The following CLIC5 variants were observed in gnomAD, a reference collection of about 807,000 sequenced individuals.
CLIC5 encodes the protein chloride intracellular channel protein 5.
CLIC5 carries 20 observed loss-of-function variants against 24.7 expected under a neutral mutation model. The observed-to-expected ratio is 0.81, with a 90% CI of 0.57 to 1.18. The LOEUF (loss-of-function observed/expected upper bound fraction) is 1.18, where lower values mean the gene tolerates loss of function less well. CLIC5 is among the 50% of genes most tolerant of loss of function. The probability of loss-of-function intolerance (pLI) is 0.00; values close to 1 mark genes in which losing one functional copy is unlikely to be tolerated. For missense variants in CLIC5, 341 were observed against 326.1 expected, an observed-to-expected ratio of 1.05 and a Z score of -0.35; for synonymous variants, 159 against 135.6, an observed-to-expected ratio of 1.17 and a Z score of -1.20.
At chr6:46,092,921 T>C in the CLIC5 span, among the ~76,000 whole-genome samples, 2 of 152,222 alleles carry the variant, frequency 1.3e-5, no homozygotes. Flanking sequence ...AGATTAGGGA[T>C]CTTGCAGTCA....
the CLIC5 span, among the ~76,000 whole-genome samples, chr6:46,110,634 A>C: frequency 6.6e-6 from 1 of 152,112 alleles, no homozygotes; most frequent in African/African-American, 2.4e-5. Flanking sequence ...ACCTTATAAG[A>C]GGTAGGTAGG....
At chr6:46,037,113 A>G (rs1375503980) in intron 1 of CLIC5, among the ~76,000 whole-genome samples, 1 of 152,132 alleles carries the variant, frequency 6.6e-6, no homozygotes, top group Non-Finnish European at 1.5e-5. Context: ...CTTCATGCAT[A>G]TCCAAGGACC....
chr6:46,022,797 T>C (rs752976700), intron 1 of CLIC5, among the ~76,000 whole-genome samples: 4 of 152,214 alleles, frequency 2.6e-5, no homozygotes, highest in Non-Finnish European at 5.9e-5. Context: ...GGGTGTCTAC[T>C]ATGTGCCAGA....
chr6:45,948,711 C>A (rs3798265), intron 3 of CLIC5, among the ~76,000 whole-genome samples: 3,200 of 152,168 alleles, frequency 0.021, 126 homozygotes, highest in African/African-American at 0.073. Flanking sequence ...TATAGCTCTA[C>A]GGTCTATACT....
chr6:45,894,031 G>T (rs1762373721), downstream of CLIC5, among the ~76,000 whole-genome samples: 1 of 152,092 alleles, frequency 6.6e-6, no homozygotes, highest in Non-Finnish European at 1.5e-5. Flanking sequence ...TAAGTTACAG[G>T]GGATGAAACT....
intron 1 of CLIC5, among the ~76,000 whole-genome samples, chr6:46,073,486 T>C (rs1048019341): frequency 4.6e-5 from 7 of 152,230 alleles, no homozygotes; most frequent in African/African-American, 1.4e-4. Context: ...TGATATATGA[T>C]ATATTTATAT....
chr6:45,888,327 T>C (rs1762322563), intron 6 of CLIC5, among the ~76,000 whole-genome samples: 1 of 152,256 alleles, frequency 6.6e-6, no homozygotes, highest in Non-Finnish European at 1.5e-5. Context: ...TTCTATTAAT[T>C]ACATTTCTTA....
the CLIC5 span, among the ~76,000 whole-genome samples, chr6:46,100,500 C>T: frequency 6.6e-6 from 1 of 152,266 alleles, no homozygotes; most frequent in African/African-American, 2.4e-5. Context: ...GCAGGAGCTA[C>T]ACTAGCTACA....
At chr6:46,089,792 T>C in the CLIC5 span, among the ~76,000 whole-genome samples, 3 of 152,214 alleles carry the variant, frequency 2.0e-5, no homozygotes, top group East Asian at 5.8e-4. Context: ...AATTTCAACA[T>C]GTGAGCATAT....
the CLIC5 span, among the ~76,000 whole-genome samples, chr6:46,120,444 T>A: frequency 6.6e-6 from 1 of 151,984 alleles, no homozygotes; most frequent in East Asian, 1.9e-4. Context: ...GTCACCATCA[T>A]CAAAGACCAA....
At chr6:46,089,042 A>G in the CLIC5 span, among the ~76,000 whole-genome samples, 1 of 152,198 alleles carries the variant, frequency 6.6e-6, no homozygotes, top group Admixed American at 6.5e-5. Context: ...ACCTATTAAT[A>G]GATACTGTAC....
In CLIC5 at chr6:45,886,244, C is replaced by T. The variant is rs62400462; in HGVS notation, c.624-5056G>A. Among the ~76,000 whole-genome samples the T allele has an allele frequency of 3.7e-3, 571 of 152,318 alleles. 1 individual carries two copies. Among genetic ancestry groups the T allele is most frequent in the Non-Finnish European group, 6.0e-3 (407 of 68,034 alleles). On this transcript the variant is annotated intron_variant, in intron 6 of 6. Coordinates refer to the CLIC5 transcript ENST00000644324. The stretch of plus-strand genomic sequence containing the variant: ...AAATCTTGAAAAACTCCCCAGGGTG[C>T]AGCCCCAGTCCTGACACTGGCCCAG...
chr6:45,998,917 T>C (rs1766249474), intron 1 of CLIC5, among the ~76,000 whole-genome samples: 1 of 152,210 alleles, frequency 6.6e-6, no homozygotes, highest in African/African-American at 2.4e-5. Context: ...GCTGCTTTTA[T>C]ACTACAAAGG....
At chr6:45,978,509 G>C (rs1403258263) in intron 1 of CLIC5, among the ~76,000 whole-genome samples, 1 of 152,220 alleles carries the variant, frequency 6.6e-6, no homozygotes, top group East Asian at 1.9e-4. Context: ...TCCAATGTTA[G>C]CATGCATCAG....
intron 1 of CLIC5, among the ~76,000 whole-genome samples, chr6:46,049,473 T>C (rs1233480356): frequency 1.3e-5 from 2 of 152,158 alleles, no homozygotes; most frequent in Admixed American, 6.5e-5. Context: ...TTGACTGATA[T>C]AGGAGACAAT....
chr6:45,915,980 A>T (rs1279400553), intron 4 of CLIC5, among the ~76,000 whole-genome samples: 1 of 152,204 alleles, frequency 6.6e-6, no homozygotes, highest in Admixed American at 6.5e-5. Context: ...TCCAGTAGAT[A>T]CAAGGCGGAC....
At chr6:46,035,935 T>C (rs28463627) in intron 1 of CLIC5, among the ~76,000 whole-genome samples, 2 of 151,826 alleles carry the variant, frequency 1.3e-5, no homozygotes, top group Non-Finnish European at 2.9e-5. Flanking sequence ...TTAGTAGAGA[T>C]GGGGTTTCAC....
At chr6:45,894,876 G>A (rs1397590001), downstream of CLIC5, among the ~76,000 whole-genome samples, 2 of 152,030 alleles carry the variant, frequency 1.3e-5, no homozygotes, top group African/African-American at 4.8e-5. Flanking sequence ...TGATAAGTAA[G>A]CAAATATTTT....
the CLIC5 span, among the ~76,000 whole-genome samples, chr6:46,112,227 T>G: frequency 6.6e-6 from 1 of 152,194 alleles, no homozygotes; most frequent in African/African-American, 2.4e-5. Context: ...TCTGCATAGA[T>G]GCAGCCAGCT....
Sources: gnomAD v4.1 joint callset for allele counts (sites outside exome capture counted in the v4.1 genomes callset) on GRCh38, gnomAD v4.1.1 for gene constraint, MANE v1.5 for transcripts, NCBI Gene and HGNC (gene_info 2026-07-23, HGNC 2026-07-21) for gene names.